STK32A: variants seen among roughly 807,000 people sequenced by gnomAD.
STK32A encodes serine/threonine-protein kinase 32A.
A neutral mutation model predicts 53.2 loss-of-function variants in STK32A; 41 were observed. The ratio of observed to expected loss-of-function variants is 0.77; its 90% CI spans 0.60 to 1.00. The LOEUF (loss-of-function observed/expected upper bound fraction) is 1.00. Ranked by LOEUF, STK32A falls within the 50% of genes least tolerant of loss-of-function variation. The pLI is 0.00. For synonymous variants in STK32A, 166 were observed against 162.8 expected (o/e 1.02, Z -0.15); for missense variants, 458 against 485.8 (o/e 0.94, Z 0.54).
chr5:147,371,623 T>C (rs1350855047), intron 9 of STK32A, among the ~76,000 whole-genome samples: 2 of 152,206 alleles, frequency 1.3e-5, no homozygotes, highest in Non-Finnish European at 2.9e-5. Context: ...AGGTCTATTG[T>C]AAGTAAAGAA....
At chr5:147,239,802 G>A in intron 2 of STK32A, 116 bp downstream of exon 2, 2 of 761,774 alleles carry the variant, frequency 2.6e-6, no homozygotes, top group Non-Finnish European at 4.3e-6. Context: ...AAGGAAAAAG[G>A]CAAAGCTGCA....
At chr5:147,369,658 C>A (rs1367553480) in intron 8 of STK32A, among the ~76,000 whole-genome samples, 1 of 152,158 alleles carries the variant, frequency 6.6e-6, no homozygotes, top group Non-Finnish European at 1.5e-5. Context: ...AAAACTTAAA[C>A]CCTTTCATTT....
At chr5:147,401,689 T>A in the STK32A span, 4 of 1,614,046 alleles carry the variant, frequency 2.5e-6, no homozygotes, top group Non-Finnish European at 3.4e-6. Flanking sequence ...CACCAAAGAC[T>A]ACATTTCCTA....
At chr5:147,346,043 C>T (rs754388352) in intron 6 of STK32A, among the ~76,000 whole-genome samples, 3 of 152,132 alleles carry the variant, frequency 2.0e-5, no homozygotes, top group Non-Finnish European at 2.9e-5. Flanking sequence ...TTCGTTTGTT[C>T]AGATTCTGAA....
At chr5:147,334,519 A>G (rs1755023095) in intron 5 of STK32A, among the ~76,000 whole-genome samples, 1 of 152,198 alleles carries the variant, frequency 6.6e-6, no homozygotes, top group African/African-American at 2.4e-5. Context: ...TTTTTCCATA[A>G]TCATGAATAA....
At chr5:147,292,149 G>A (rs1263882696) in intron 4 of STK32A, among the ~76,000 whole-genome samples, 1 of 152,150 alleles carries the variant, frequency 6.6e-6, no homozygotes, top group Non-Finnish European at 1.5e-5. Context: ...AAACTTGTGA[G>A]GGTACCATGT....
intron 2 of STK32A, among the ~76,000 whole-genome samples, chr5:147,261,965 A>AAAAACTTAGCACTGAATCAGAGAG (rs1754593962): frequency 6.6e-6 from 1 of 152,176 alleles, no homozygotes; most frequent in East Asian, 1.9e-4. Context: ...CCTCAATTTT[A>AAAAACTTAGCACTGAATCAGAGAG]AAAACTTAGC....
downstream of STK32A, among the ~76,000 whole-genome samples, chr5:147,389,232 T>C (rs563165197): frequency 6.6e-6 from 1 of 152,178 alleles, no homozygotes. Flanking sequence ...AACTTCCACA[T>C]CACCAGGCAA....
intron 4 of STK32A, among the ~76,000 whole-genome samples, chr5:147,297,495 C>CT: frequency 6.6e-6 from 1 of 152,244 alleles, no homozygotes; most frequent in East Asian, 1.9e-4. Context: ...GAGTGGAGTG[C>CT]TTTTTTGTAA....
chr5:147,384,328 T>G lies in STK32A; in HGVS notation c.*345T>G. On this transcript the variant is annotated 3_prime_UTR_variant, in exon 13 of 13. Coordinates refer to ENST00000397936, the MANE Select transcript of STK32A (RefSeq NM_001112724.2). ...ACCGCCTTTATTTTTATTTTAAAAT[T>G]AATATATGAATATAGATTTATTTTT... The G allele has an allele frequency of 1.4e-6, 2 of 1,436,736 alleles. No individual in the cohort carries two copies. The highest frequency in any genetic ancestry group is 1.8e-6 in the Non-Finnish European group (2 of 1,086,036). 89.0% of individuals were successfully genotyped at this position (1,436,736 alleles called of 1,614,324 possible).
Position 147,340,822 on chromosome 5 carries a change from G to T in STK32A, c.435-2184G>T, listed in dbSNP as rs138327785. Among the ~76,000 whole-genome samples the T allele has an allele frequency of 1.0e-3, 157 of 152,198 alleles. 1 individual carries two copies. Among genetic ancestry groups the T allele is most frequent in the African/African-American group, 3.7e-3 (152 of 41,528 alleles). ...CTTTCTCATCCTCTCCATCCCGAGG[G>T]AACTATGTCTCATTTATCTTTAGGT... On this transcript the variant is annotated intron_variant, in intron 5 of 12. Transcript: ENST00000397936.
At chr5:147,250,785 C>CA (rs34480987) in intron 2 of STK32A, among the ~76,000 whole-genome samples, 1 of 151,176 alleles carries the variant, frequency 6.6e-6, no homozygotes. Context: ...ACTAAAAATA[C>CA]AAAAAAATTA....
At chr5:147,334,929 G>T (rs934117823) in intron 5 of STK32A, among the ~76,000 whole-genome samples, 2 of 152,184 alleles carry the variant, frequency 1.3e-5, no homozygotes, top group Non-Finnish European at 2.9e-5. Context: ...TGAATACGCA[G>T]ATATTTCCAA....
chr5:147,250,941 C>CAAAA (rs71001422), intron 2 of STK32A, among the ~76,000 whole-genome samples: 11 of 101,150 alleles, frequency 1.1e-4, no homozygotes, highest in Non-Finnish European at 1.4e-4. Flanking sequence ...GACTCCATCT[C>CAAAA]AAAAAAAAAA....
chr5:147,376,222 T>C (rs1210904978), intron 11 of STK32A, among the ~76,000 whole-genome samples: 1 of 152,214 alleles, frequency 6.6e-6, no homozygotes, highest in African/African-American at 2.4e-5. Context: ...TTCACATCTC[T>C]GTCCTGTTTG....
At chr5:147,248,554 G>A (rs750117635) in intron 2 of STK32A, among the ~76,000 whole-genome samples, 4 of 152,106 alleles carry the variant, frequency 2.6e-5, no homozygotes, top group Non-Finnish European at 1.5e-5. Context: ...ACATTTATTC[G>A]ATTGAGGAGC....
intron 2 of STK32A, among the ~76,000 whole-genome samples, chr5:147,242,363 C>A (rs1387550132): frequency 6.6e-6 from 1 of 152,218 alleles, no homozygotes; most frequent in Non-Finnish European, 1.5e-5. Flanking sequence ...GGTCCTTGCT[C>A]TGTCATTGTG....
the STK32A span, among the ~76,000 whole-genome samples, chr5:147,395,078 G>A: frequency 6.6e-6 from 1 of 152,190 alleles, no homozygotes; most frequent in African/African-American, 2.4e-5. Flanking sequence ...TCAATCAGTG[G>A]TAGCTAGTGT....
At chr5:147,285,995 A>G (rs1160804796) in intron 4 of STK32A, among the ~76,000 whole-genome samples, 1 of 152,070 alleles carries the variant, frequency 6.6e-6, no homozygotes, top group African/African-American at 2.4e-5. Flanking sequence ...TTACACATGC[A>G]TGTTTACAGA....
Sources: gnomAD v4.1 joint callset for allele counts (sites outside exome capture counted in the v4.1 genomes callset) on GRCh38, gnomAD v4.1.1 for gene constraint, MANE v1.5 for transcripts, NCBI Gene and HGNC (gene_info 2026-07-23, HGNC 2026-07-21) for gene names.